The following FBXW4 variants were observed in gnomAD, a reference collection of about 807,000 sequenced individuals.
FBXW4 encodes F-box and WD repeat domain containing 4, also known as F-box/WD repeat-containing protein 4.
In FBXW4, 40 loss-of-function variants were observed where a neutral mutation model predicts 61.8. The ratio of observed to expected loss-of-function variants is 0.65; its 90% CI spans 0.50 to 0.84. FBXW4 has a LOEUF of 0.84. Ranked by LOEUF, FBXW4 falls within the 40% of genes least tolerant of loss-of-function variation. The pLI, the probability that FBXW4 is intolerant of heterozygous loss-of-function variation, is 0.00. For missense variants in FBXW4, 672 were observed against 753.8 expected, an observed-to-expected ratio of 0.89 and a Z score of 1.27; for synonymous variants, 311 against 313.8, an observed-to-expected ratio of 0.99 and a Z score of 0.10.
intron 2 of FBXW4, among the ~76,000 whole-genome samples, chr10:101,676,050 G>C (rs1034185250): frequency 6.6e-6 from 1 of 152,086 alleles, no homozygotes; most frequent in African/African-American, 2.4e-5. Flanking sequence ...TGGAGTTACA[G>C]GTTAGTTTTA....
intron 1 of FBXW4, among the ~76,000 whole-genome samples, chr10:101,681,532 G>A (rs1043545387): frequency 6.0e-5 from 9 of 150,400 alleles, no homozygotes; most frequent in East Asian, 5.8e-4. Flanking sequence ...CCTGGCTAAC[G>A]CAGTGAAACC....
At chr10:101,659,530 A>ATCTC in intron 5 of FBXW4, 1 of 543,406 alleles carries the variant, frequency 1.8e-6, no homozygotes, top group Non-Finnish European at 2.3e-6. Flanking sequence ...GTTATGAAGC[A>ATCTC]ATGAGATGCT....
intron 5 of FBXW4, among the ~76,000 whole-genome samples, chr10:101,665,030 C>T (rs1328658440): frequency 6.6e-6 from 1 of 152,026 alleles, no homozygotes. Context: ...AACTCATCTC[C>T]CAGACTGCTT....
rs965617205 is a variant in FBXW4 at position 101,613,639 on chromosome 10, C to T, written c.1302-1162G>A. On this transcript the variant is annotated intron_variant, in intron 6 of 8. Coordinates refer to ENST00000331272, the MANE Select transcript of FBXW4 (RefSeq NM_022039.4). ...ATGTCTGAATGCAGATGTCAGCTCTCGTCCTTCCACCTCACTGAGACCCTG... is the reference window on the plus strand; with the variant it reads ...ATGTCTGAATGCAGATGTCAGCTCTTGTCCTTCCACCTCACTGAGACCCTG... 1.5e-4 allele frequency among the ~76,000 whole-genome samples: 23 copies of T among 152,356 alleles called. No individual in the cohort carries two copies. In the South Asian group the frequency reaches 2.5e-3, roughly 16 times the overall value.
intron 1 of FBXW4, among the ~76,000 whole-genome samples, chr10:101,683,216 C>G (rs1033454718): frequency 6.6e-6 from 1 of 152,212 alleles, no homozygotes; most frequent in Non-Finnish European, 1.5e-5. Flanking sequence ...AGCCATTTCT[C>G]CATATGGTTA....
chr10:101,646,861 C>G (rs141291122), intron 5 of FBXW4, among the ~76,000 whole-genome samples: 50 of 152,298 alleles, frequency 3.3e-4, no homozygotes, highest in African/African-American at 1.1e-3. Context: ...AAATAGCCTA[C>G]AGTGATCCCA....
In FBXW4 at chr10:101,611,796, G is replaced by T; in HGVS notation, c.1443-27C>A. The T allele has an allele frequency of 6.2e-7, 1 of 1,604,864 alleles. No individual in the cohort carries two copies. The highest frequency in any genetic ancestry group is 1.1e-5 in the South Asian group (1 of 90,658). On this transcript the variant is annotated intron_variant, in intron 7 of 8. Coordinates refer to ENST00000331272, the MANE Select transcript of FBXW4 (RefSeq NM_022039.4). This position sits in a 1 kb window ranked among gnomAD's most constrained non-coding sequence, Gnocchi z 4.9. ...TGTCCAGGAAGAGGAGAAGCAGAGG[G>T]AGGTTTAGGGTACCCTCCACCTCTA...
chr10:101,671,978 A>G (rs991043893), intron 4 of FBXW4, among the ~76,000 whole-genome samples: 1 of 152,220 alleles, frequency 6.6e-6, no homozygotes, highest in African/African-American at 2.4e-5. Flanking sequence ...CAATATTTCT[A>G]TATGGAGGTG....
chr10:101,658,450 C>A (rs1385621124), intron 5 of FBXW4, among the ~76,000 whole-genome samples: 1 of 152,142 alleles, frequency 6.6e-6, no homozygotes, highest in Non-Finnish European at 1.5e-5. Flanking sequence ...GAGGCTGAGG[C>A]AGGACAATTG....
At chr10:101,655,389 T>A (rs1202179958) in intron 5 of FBXW4, among the ~76,000 whole-genome samples, 6 of 152,334 alleles carry the variant, frequency 3.9e-5, no homozygotes, top group African/African-American at 1.4e-4. Flanking sequence ...CTTTGAATAA[T>A]TTGTGGTTTT....
At chr10:101,669,441 A>G (rs967052155) in intron 4 of FBXW4, among the ~76,000 whole-genome samples, 1 of 152,200 alleles carries the variant, frequency 6.6e-6, no homozygotes, top group Non-Finnish European at 1.5e-5. Flanking sequence ...TGATTACAAA[A>G]TCTATGGGGA....
At chr10:101,614,168 T>G (rs1366398312) in intron 6 of FBXW4, among the ~76,000 whole-genome samples, 1 of 152,216 alleles carries the variant, frequency 6.6e-6, no homozygotes, top group African/African-American at 2.4e-5. Flanking sequence ...TCCTCCCTCT[T>G]CCAGATTTGG....
intron 5 of FBXW4, among the ~76,000 whole-genome samples, chr10:101,633,260 G>C (rs1220278210): frequency 6.6e-6 from 1 of 152,138 alleles, no homozygotes; most frequent in Admixed American, 6.6e-5. Context: ...TCCCATTACT[G>C]GGTATATACC....
chr10:101,673,459 G>C (rs538704349), intron 3 of FBXW4, 29 bp downstream of exon 3: 1 of 1,611,384 alleles, frequency 6.2e-7, no homozygotes, highest in South Asian at 1.1e-5. Flanking sequence ...AGATGGAAAA[G>C]GGTGGAAGGA....
intron 2 of FBXW4, among the ~76,000 whole-genome samples, chr10:101,674,965 C>T (rs2064393685): frequency 6.6e-6 from 1 of 152,226 alleles, no homozygotes; most frequent in Admixed American, 6.5e-5. Context: ...ACAGGGACAG[C>T]TGACTCATCC....
intron 5 of FBXW4, among the ~76,000 whole-genome samples, chr10:101,644,387 G>C (rs1419825031): frequency 6.6e-6 from 1 of 152,188 alleles, no homozygotes; most frequent in Admixed American, 6.5e-5. Flanking sequence ...CTTCCAAACA[G>C]GGTCAGTAGG....
intron 1 of FBXW4, among the ~76,000 whole-genome samples, chr10:101,685,974 C>G (rs997398954): frequency 8.5e-5 from 13 of 152,136 alleles, no homozygotes; most frequent in African/African-American, 3.1e-4. Context: ...CCTCTAAATT[C>G]TTATTCTAGA....
At chr10:101,646,610 G>A (rs866877645) in intron 5 of FBXW4, among the ~76,000 whole-genome samples, 3 of 152,244 alleles carry the variant, frequency 2.0e-5, no homozygotes, top group African/African-American at 7.2e-5. Flanking sequence ...AGGGGACGCA[G>A]AGCTGGGAGG....
intron 1 of FBXW4, among the ~76,000 whole-genome samples, chr10:101,687,734 G>T (rs1293123416): frequency 6.6e-6 from 1 of 152,100 alleles, no homozygotes; most frequent in African/African-American, 2.4e-5. Context: ...AACAACAAAA[G>T]TCTAGGAACA....
Sources: gnomAD v4.1 joint callset for allele counts (sites outside exome capture counted in the v4.1 genomes callset) on GRCh38, gnomAD v4.1.1 for gene constraint, Gnocchi (gnomAD v3.1) non-coding constraint, MANE v1.5 for transcripts, NCBI Gene and HGNC (gene_info 2026-07-23, HGNC 2026-07-21) for gene names.